The following VCAN variants were observed in gnomAD, a reference collection of about 807,000 sequenced individuals.
The protein encoded by VCAN is versican core protein.
In VCAN, 44 loss-of-function variants were observed where a neutral mutation model predicts 245.5. The observed-to-expected ratio is 0.18, with a 90% CI of 0.14 to 0.23. The LOEUF (loss-of-function observed/expected upper bound fraction) is 0.23, where lower values mean the gene tolerates loss of function less well. Among genes scored for constraint, VCAN ranks in the 10% least tolerant of loss-of-function variants. The probability of loss-of-function intolerance (pLI) is 1.00; values close to 1 mark genes in which losing one functional copy is unlikely to be tolerated. For missense variants in VCAN, 3,793 were observed against 4,057.9 expected (o/e 0.93, Z 1.77); for synonymous variants, 1,413 against 1,437.0 (o/e 0.98, Z 0.38).
intron 1 of VCAN, among the ~76,000 whole-genome samples, chr5:83,472,884 A>G (rs567861873): frequency 6.6e-6 from 1 of 152,258 alleles, no homozygotes; most frequent in African/African-American, 2.4e-5. Context: ...CACCCTGAAG[A>G]GTGAAATAGG....
At chr5:83,548,725 G>T (rs1475599711) in intron 10 of VCAN, among the ~76,000 whole-genome samples, 1 of 152,176 alleles carries the variant, frequency 6.6e-6, no homozygotes, top group Non-Finnish European at 1.5e-5. Context: ...ATAAGAAACA[G>T]ATTGCATGCT....
chr5:83,504,321 C>T (rs1745418356), intron 5 of VCAN, among the ~76,000 whole-genome samples: 1 of 151,858 alleles, frequency 6.6e-6, no homozygotes, highest in African/African-American at 2.4e-5. Context: ...TCATGAAAGG[C>T]TCTGTTGTAT....
chr5:83,544,555 G>A (rs1048053196), intron 8 of VCAN, among the ~76,000 whole-genome samples: 2 of 152,122 alleles, frequency 1.3e-5, no homozygotes, highest in African/African-American at 2.4e-5. Context: ...ATTCTTGAAA[G>A]TATGGGTGTA....
chr5:83,520,076 C>T lies in VCAN; in HGVS notation c.1770C>T (p.Ile590=). The T allele has an allele frequency of 1.2e-6, 2 of 1,614,046 alleles. No homozygotes were observed. The highest frequency in any genetic ancestry group is 2.2e-5 in the South Asian group (2 of 91,084). Reference sequence around the variant, plus strand: ...TGTCAAAGACTTCAGAAGACACCATCCACACTCATTTAGAAGACTTGGAGT... The same window carrying T: ...TGTCAAAGACTTCAGAAGACACCATTCACACTCATTTAGAAGACTTGGAGT... The part of the protein sequence containing the change: ...ITVSKTSEDT[I]HTHLEDLESV... The change falls in exon 7 of 15, where the codon ATC becomes ATT. Residue 590 remains isoleucine (I), a synonymous_variant. Coordinates refer to ENST00000265077, the MANE Select transcript of VCAN (RefSeq NM_004385.5).
Position 83,540,061 on chromosome 5 carries a change from C to T in VCAN, c.7058C>T (p.Thr2353Met), listed in dbSNP as rs200015194. The change falls in exon 8 of 15, where the codon ACG (threonine) becomes ATG (methionine). Residue 2353 changes from threonine to methionine, a missense_variant. This residue lies in a region of VCAN where 3,182 missense variants were observed against 3,250.3 expected (regional missense o/e 0.98). Transcript: ENST00000265077. ...ACGGTGGCACCTCTCCCTTTCTCCA[C>T]GGACATCGGACATCCTCAAAATCAG... is the stretch of plus-strand genomic sequence containing the variant. ...GPTVAPLPFS[T>M]DIGHPQNQTV... 188 of 1,614,028 alleles carry T rather than the reference C, an allele frequency of 1.2e-4. No individual in the cohort carries two copies. Among genetic ancestry groups the T allele is most frequent in the Middle Eastern group, 6.6e-4 (4 of 6,062 alleles).
Position 83,537,037 on chromosome 5 carries a change from A to G in VCAN, c.4034A>G (p.His1345Arg). Residue 1345 changes from histidine to arginine, a missense_variant, in exon 8 of 15, where the codon CAT (histidine) becomes CGT (arginine). His to Arg is a conservative substitution (Grantham distance 29). This residue lies in a region of VCAN where 3,182 missense variants were observed against 3,250.3 expected (regional missense o/e 0.98). Coordinates refer to ENST00000265077, the MANE Select transcript of VCAN (RefSeq NM_004385.5). ...ATGAGTGATTTGAGTGTAATTGGTC[A>G]TCCAATAGATTCAGAATCTAAAGAA... ...GRMSDLSVIG[H>R]PIDSESKEDE... 1 of 1,606,822 alleles carries G rather than the reference A, an allele frequency of 6.2e-7. No homozygotes were observed. The highest frequency in any genetic ancestry group is 8.5e-7 in the Non-Finnish European group (1 of 1,176,938).
intron 7 of VCAN, chr5:83,536,579 G>A (rs996797150): frequency 6.5e-6 from 1 of 154,810 alleles, no homozygotes; most frequent in Admixed American, 6.4e-5. Flanking sequence ...TAGAAATAGA[G>A]CTATAGAAAA....
intron 8 of VCAN, among the ~76,000 whole-genome samples, chr5:83,544,321 C>T (rs1486952380): frequency 1.3e-5 from 2 of 152,186 alleles, no homozygotes; most frequent in South Asian, 4.1e-4. Context: ...CTAATTTTAA[C>T]GTGAATCCCA....
In VCAN at chr5:83,537,574, A is replaced by G. The variant is rs752744324; in HGVS notation, c.4571A>G (p.Glu1524Gly). Residue 1524 changes from glutamate (E) to glycine (G), a missense_variant, in exon 8 of 15, where the codon GAG (glutamate) becomes GGG (glycine). Glu to Gly is a moderately conservative substitution (Grantham distance 98). Coordinates refer to ENST00000265077, the MANE Select transcript of VCAN (RefSeq NM_004385.5). ...TAKKGAESVT[E>G]RDTEVGHQAH... The stretch of plus-strand genomic sequence containing the variant: ...AAAAAAGGGGCAGAATCAGTCACAG[A>G]GAGAGATACTGAAGTTGGTCATCAG... The G allele has an allele frequency of 4.3e-6, 7 of 1,613,864 alleles. No individual in the cohort carries two copies. The South Asian group carries it at 6.6e-5, about 15-fold the overall frequency.
chr5:83,580,397 A>G lies in VCAN; in HGVS notation c.10154A>G (p.His3385Arg). The G allele has an allele frequency of 1.9e-6, 3 of 1,613,968 alleles. No individual in the cohort carries two copies. Among genetic ancestry groups the G allele is most frequent in the Non-Finnish European group, 2.5e-6 (3 of 1,179,942 alleles). The part of the protein sequence containing the change: ...DNSINTSKHD[H>R]RWSRRWQESR... ...TCAATAAATACATCCAAACATGATC[A>G]TCGTTGGAGCCGGAGGTGGCAGGAG... Residue 3385 changes from histidine to arginine, a missense_variant, in exon 15 of 15, where the codon CAT becomes CGT. His to Arg is a conservative substitution (Grantham distance 29). Transcript: ENST00000265077.
chr5:83,499,111 C>A, intron 5 of VCAN, among the ~76,000 whole-genome samples: 1 of 152,062 alleles, frequency 6.6e-6, no homozygotes, highest in Non-Finnish European at 1.5e-5. Flanking sequence ...TGTGATTTTG[C>A]CTGTGCTTGA....
intron 1 of VCAN, among the ~76,000 whole-genome samples, chr5:83,476,099 A>G (rs184089609): frequency 1.3e-5 from 2 of 152,356 alleles, no homozygotes; most frequent in Admixed American, 1.3e-4. Context: ...ACCATGATTA[A>G]TGTTAAAGAT....
chr5:83,542,916 T>C (rs1233216381), intron 8 of VCAN, among the ~76,000 whole-genome samples: 1 of 152,182 alleles, frequency 6.6e-6, no homozygotes, highest in East Asian at 1.9e-4. Context: ...ATGGAAAGCA[T>C]GAATTTGATA....
chr5:83,542,671 C>T, intron 8 of VCAN, among the ~76,000 whole-genome samples: 1 of 152,138 alleles, frequency 6.6e-6, no homozygotes, highest in Admixed American at 6.5e-5. Flanking sequence ...TTGATGGATG[C>T]TATTGCTGTA....
rs1746926867 is a variant in VCAN, at chr5:83,540,453, A to G, written c.7450A>G (p.Thr2484Ala). ...AGCTGTTACTGCTGATGGATTCCCA[A>G]CAGTTTCAGTGATGCTGCCTCTTCA... ...AKAVTADGFPTVSVMLPLHSE... is the reference protein window; with the variant it reads ...AKAVTADGFPAVSVMLPLHSE... The change falls in exon 8 of 15, where the codon ACA (threonine) becomes GCA (alanine). Residue 2484 changes from threonine to alanine, a missense_variant. Thr to Ala is a moderately conservative substitution (Grantham distance 58). Around this residue, in one of 5 missense-constraint regions of VCAN, gnomAD observed 3,182 missense variants for 3,250.3 expected, o/e 0.98. Transcript: ENST00000265077. 5 of 1,613,876 alleles carry G rather than the reference A, an allele frequency of 3.1e-6. No homozygotes were observed. The highest frequency in any genetic ancestry group is 4.2e-6 in the Non-Finnish European group (5 of 1,179,948).
chr5:83,485,256 A>G (rs1328225089), intron 2 of VCAN, among the ~76,000 whole-genome samples: 1 of 152,094 alleles, frequency 6.6e-6, no homozygotes, highest in East Asian at 1.9e-4. Flanking sequence ...TCTTATCTAC[A>G]TGGAACACTG....
At chr5:83,478,900 A>G (rs772034528) in intron 1 of VCAN, among the ~76,000 whole-genome samples, 12 of 152,134 alleles carry the variant, frequency 7.9e-5, no homozygotes, top group Non-Finnish European at 1.8e-4. Context: ...ATGTGCTAGG[A>G]TGAAAATAGA....
At chr5:83,478,264 T>G (rs1431416347) in intron 1 of VCAN, among the ~76,000 whole-genome samples, 1 of 152,184 alleles carries the variant, frequency 6.6e-6, no homozygotes, top group East Asian at 1.9e-4. Context: ...ATTAAAAAGT[T>G]TGATGCAAGT....
intron 1 of VCAN, 112 bp from the exon 2 acceptor site, chr5:83,483,401 C>G: frequency 1.2e-6 from 1 of 837,632 alleles, no homozygotes. Context: ...ACTCTTATTA[C>G]TTAATGCTTA....
Sources: gnomAD v4.1 joint callset for allele counts (sites outside exome capture counted in the v4.1 genomes callset) on GRCh38, gnomAD v4.1.1 for gene constraint, gnomAD v4.1.1 regional missense constraint, MANE v1.5 for transcripts, NCBI Gene and HGNC (gene_info 2026-07-23, HGNC 2026-07-21) for gene names.